The following RARB variants were observed in gnomAD, a reference collection of about 807,000 sequenced individuals.
The protein encoded by RARB is retinoic acid receptor beta.
Under a neutral mutation model 51.9 loss-of-function variants are expected in RARB, and 17 were observed. The ratio of observed to expected loss-of-function variants is 0.33; its 90% CI spans 0.22 to 0.49. RARB has a LOEUF of 0.49. Among genes scored for constraint, RARB ranks in the 20% least tolerant of loss-of-function variants. RARB has a pLI of 0.99. For synonymous variants in RARB, 215 were observed against 195.4 expected (o/e 1.10, Z -0.84); for missense variants, 369 against 550.8 (o/e 0.67, Z 3.30).
At chr3:24,858,206 A>C (rs1702669949) in intron 1 of RARB, among the ~76,000 whole-genome samples, 1 of 152,196 alleles carries the variant, frequency 6.6e-6, no homozygotes, top group African/African-American at 2.4e-5. Context: ...AAAAGTGATG[A>C]AACCAAGAAG....
chr3:25,203,884 T>TTG (rs1259723849), intron 5 of RARB, among the ~76,000 whole-genome samples: 3 of 151,148 alleles, frequency 2.0e-5, no homozygotes, highest in East Asian at 1.9e-4. Context: ...TCATTTCAAT[T>TTG]ATGAATCTGA....
intron 3 of RARB, among the ~76,000 whole-genome samples, chr3:25,088,229 C>A (rs115990088): frequency 0.017 from 2,575 of 152,162 alleles, 37 homozygotes; most frequent in Middle Eastern, 0.034. Context: ...CTTCTCTTTG[C>A]TGTTTTCTCA....
intron 5 of RARB, among the ~76,000 whole-genome samples, chr3:25,330,764 G>A (rs1704867999): frequency 6.6e-6 from 1 of 152,216 alleles, no homozygotes. Context: ...GTATTCAGGA[G>A]ACCCATCTCA....
At chr3:24,941,691 A>G (rs1695671350) in intron 2 of RARB, among the ~76,000 whole-genome samples, 1 of 152,232 alleles carries the variant, frequency 6.6e-6, no homozygotes, top group Non-Finnish European at 1.5e-5. Context: ...TTCAAACAGA[A>G]TAAAATAGCT....
chr3:25,463,661 CA>C (rs200673086), intron 2 of RARB, among the ~76,000 whole-genome samples: 1,431 of 120,188 alleles, frequency 0.012, 32 homozygotes, highest in East Asian at 0.11. Context: ...GACTCCATCT[CA>C]AAAAAAAAAA....
chr3:25,210,111 C>G (rs1701653041), intron 5 of RARB, among the ~76,000 whole-genome samples: 1 of 152,120 alleles, frequency 6.6e-6, no homozygotes, highest in South Asian at 2.1e-4. Flanking sequence ...TCTATTGCTT[C>G]TCAGATTATC....
rs368529374 is a variant in RARB at position 25,576,133 on chromosome 3, T to C, written c.610-4413T>C. 3.6e-4 allele frequency among the ~76,000 whole-genome samples: 33 copies of C among 91,762 alleles called. 1 individual carries two copies. In the South Asian group the frequency reaches 0.012, roughly 34 times the overall value. 60.2% of individuals were successfully genotyped at this position (91,762 alleles called of 152,430 possible). On this transcript the variant is annotated intron_variant, in intron 4 of 7. Coordinates refer to ENST00000330688, the MANE Select transcript of RARB (RefSeq NM_000965.5). The stretch of plus-strand genomic sequence containing the variant: ...GCACAGGGTTTCACAGGGATGGGGC[T>C]GGGTGGGAGGGAGGCAGAGCTAAGT...
chr3:24,983,894 A>C (rs1265916218), intron 2 of RARB, among the ~76,000 whole-genome samples: 1 of 152,170 alleles, frequency 6.6e-6, no homozygotes, highest in Non-Finnish European at 1.5e-5. Flanking sequence ...GGATAAATAC[A>C]ATTACAAAAA....
intron 5 of RARB, among the ~76,000 whole-genome samples, chr3:25,252,890 T>G (rs1300564266): frequency 1.3e-5 from 2 of 152,132 alleles, no homozygotes; most frequent in Non-Finnish European, 2.9e-5. Flanking sequence ...CACCGTGGCT[T>G]TTACTTTCCC....
intron 3 of RARB, among the ~76,000 whole-genome samples, chr3:25,064,110 T>A (rs1303501448): frequency 6.6e-6 from 1 of 152,116 alleles, no homozygotes; most frequent in Non-Finnish European, 1.5e-5. Context: ...AAAGCTAATT[T>A]TGATGATTGC....
At chr3:25,107,426 TTA>T (rs1699527859) in intron 3 of RARB, among the ~76,000 whole-genome samples, 1 of 152,318 alleles carries the variant, frequency 6.6e-6, no homozygotes, top group East Asian at 1.9e-4. Context: ...TTCTAATATT[TTA>T]GTAGGAGCTT....
At chr3:24,894,964 T>C (rs1174135942) in intron 2 of RARB, among the ~76,000 whole-genome samples, 1 of 152,186 alleles carries the variant, frequency 6.6e-6, no homozygotes, top group Non-Finnish European at 1.5e-5. Flanking sequence ...TTGAAGAACA[T>C]ATGTGGAAAA....
intron 3 of RARB, among the ~76,000 whole-genome samples, chr3:25,522,245 A>G (rs772820572): frequency 1.6e-4 from 25 of 152,168 alleles, no homozygotes; most frequent in Admixed American, 5.9e-4. Context: ...ATGGACATGT[A>G]GACTTAAAAA....
At chr3:25,002,515 T>A (rs1208596198) in intron 2 of RARB, among the ~76,000 whole-genome samples, 1 of 152,172 alleles carries the variant, frequency 6.6e-6, no homozygotes, top group African/African-American at 2.4e-5. Context: ...ATGCATCCAG[T>A]TTATCTTATT....
intron 2 of RARB, among the ~76,000 whole-genome samples, chr3:25,500,454 GTTTTTTTTTTTTTT>G (rs753321842): frequency 0.02 from 1,325 of 66,186 alleles, 33 homozygotes; most frequent in African/African-American, 0.071. Flanking sequence ...TTCTTTTCTT[GTTTTTTTTTTTTTT>G]TTTTTTTTTT....
At chr3:25,099,269 C>T (rs552035255) in intron 3 of RARB, among the ~76,000 whole-genome samples, 4 of 152,174 alleles carry the variant, frequency 2.6e-5, no homozygotes, top group Non-Finnish European at 4.4e-5. Context: ...GACCAAAGTC[C>T]GATGTTAACT....
At chr3:25,586,563 C>T (rs1022863487) in intron 5 of RARB, among the ~76,000 whole-genome samples, 1 of 152,232 alleles carries the variant, frequency 6.6e-6, no homozygotes, top group Non-Finnish European at 1.5e-5. Flanking sequence ...ACAAGACACA[C>T]GGCTTCCTGA....
intron 5 of RARB, among the ~76,000 whole-genome samples, chr3:25,210,361 C>G (rs1348180333): frequency 4.0e-5 from 6 of 151,898 alleles, no homozygotes; most frequent in Non-Finnish European, 7.4e-5. Flanking sequence ...CAAATTATGA[C>G]CACAGGCCAA....
At chr3:25,490,361 G>A (rs1014253899) in intron 2 of RARB, among the ~76,000 whole-genome samples, 2 of 152,190 alleles carry the variant, frequency 1.3e-5, no homozygotes, top group African/African-American at 4.8e-5. Flanking sequence ...TTGGGTCTGT[G>A]AGAGGCCTTT....
Sources: gnomAD v4.1 joint callset for allele counts (sites outside exome capture counted in the v4.1 genomes callset) on GRCh38, gnomAD v4.1.1 for gene constraint, MANE v1.5 for transcripts, NCBI Gene and HGNC (gene_info 2026-07-23, HGNC 2026-07-21) for gene names.